The following TLE1 variants were observed in gnomAD, a reference collection of about 807,000 sequenced individuals.
TLE1 encodes transducin-like enhancer protein 1.
A neutral mutation model predicts 89.8 loss-of-function variants in TLE1; 21 were observed. The observed-to-expected ratio is 0.23, with a 90% confidence interval of 0.17 to 0.34. The LOEUF (loss-of-function observed/expected upper bound fraction) is 0.34, where lower values mean the gene tolerates loss of function less well. TLE1 is among the 10% of genes least tolerant of loss of function. The pLI, the probability that TLE1 is intolerant of heterozygous loss-of-function variation, is 1.00. For synonymous variants in TLE1, 447 were observed against 407.6 expected, an observed-to-expected ratio of 1.10 and a Z score of -1.16; for missense variants, 795 against 1,031.2, an observed-to-expected ratio of 0.77 and a Z score of 3.14.
chr9:81,662,071 T>G (rs1201526539), intron 4 of TLE1, among the ~76,000 whole-genome samples: 1 of 152,188 alleles, frequency 6.6e-6, no homozygotes, highest in Admixed American at 6.5e-5. Flanking sequence ...ATTCCATGCA[T>G]GAAGCTGTTC....
At chr9:81,613,901 C>G (rs1026375823) in intron 11 of TLE1, among the ~76,000 whole-genome samples, 45 of 124,610 alleles carry the variant, frequency 3.6e-4, no homozygotes, top group Middle Eastern at 3.9e-3. Context: ...GACCCCTTTT[C>G]TTTTCTTTTT....
rs551101391 is a variant in TLE1 at position 81,592,182 on chromosome 9, C to G, written c.1581+843G>C. On this transcript the variant is annotated intron_variant, in intron 15 of 19. Transcript: ENST00000376499. ...GACCATTCTGGCTAACATGGTGAAACCCCGTCTCTACTAAAAATACAAAAA... is the reference window on the plus strand; with the variant it reads ...GACCATTCTGGCTAACATGGTGAAAGCCCGTCTCTACTAAAAATACAAAAA... Among the ~76,000 whole-genome samples the G allele has an allele frequency of 8.1e-4, 124 of 152,294 alleles. 1 individual carries two copies. The highest frequency in any genetic ancestry group is 2.7e-3 in the African/African-American group (112 of 41,562).
At chr9:81,586,239 G>A (rs954142225) in intron 17 of TLE1, among the ~76,000 whole-genome samples, 3 of 152,162 alleles carry the variant, frequency 2.0e-5, no homozygotes, top group East Asian at 1.9e-4. Flanking sequence ...GGATGGTCTC[G>A]ATCTCCTGAC....
At chr9:81,586,299 G>A (rs950176068) in intron 17 of TLE1, among the ~76,000 whole-genome samples, 2 of 152,206 alleles carry the variant, frequency 1.3e-5, no homozygotes, top group African/African-American at 4.8e-5. Context: ...TTACAGGCGT[G>A]AGCCTCCGTG....
chr9:81,590,289 G>A (rs377547480), intron 16 of TLE1, among the ~76,000 whole-genome samples: 73 of 152,282 alleles, frequency 4.8e-4, no homozygotes, highest in Non-Finnish European at 9.0e-4. Flanking sequence ...AGAGCCCTGC[G>A]GGCTCCTGGG....
At chr9:81,607,078 G>C in intron 14 of TLE1, among the ~76,000 whole-genome samples, 1 of 147,454 alleles carries the variant, frequency 6.8e-6, no homozygotes, top group African/African-American at 2.6e-5. Flanking sequence ...AAAAAAAATG[G>C]AGAGAGAGAG....
rs774606207 is a variant in TLE1 at position 81,634,086 on chromosome 9, C to T, written c.577+11G>A. 25 of 1,600,798 alleles carry T rather than the reference C, an allele frequency of 1.6e-5. No individual in the cohort carries two copies. Among genetic ancestry groups the T allele is most frequent in the Non-Finnish European group, 1.8e-5 (21 of 1,172,848 alleles). On this transcript the variant is annotated intron_variant, in intron 7 of 19. Transcript: ENST00000376499. ...GGACAAAGTCCTAATCTGGCTTGCCCGGCCTCTCACCTCTGTGGTGCTCTG... is the reference window on the plus strand; with the variant it reads ...GGACAAAGTCCTAATCTGGCTTGCCTGGCCTCTCACCTCTGTGGTGCTCTG...
chr9:81,588,885 T>C (rs933466934), intron 16 of TLE1, among the ~76,000 whole-genome samples: 1 of 152,198 alleles, frequency 6.6e-6, no homozygotes, highest in African/African-American at 2.4e-5. Context: ...TTATCATTCC[T>C]GTAGAGCTCC....
chr9:81,653,296 C>T (rs1420386610), intron 5 of TLE1, among the ~76,000 whole-genome samples: 1 of 152,254 alleles, frequency 6.6e-6, no homozygotes, highest in South Asian at 2.1e-4. Flanking sequence ...GCATTCATCC[C>T]GTGCACACTT....
chr9:81,673,272 T>TAAAAAAA (rs5898756), intron 4 of TLE1, among the ~76,000 whole-genome samples: 3 of 98,014 alleles, frequency 3.1e-5, no homozygotes, highest in African/African-American at 4.0e-5. Context: ...AGACTTCATT[T>TAAAAAAA]AAAAAAAAAA....
In TLE1 at chr9:81,613,472, C is replaced by T. The variant is rs773585815; in HGVS notation, c.968G>A (p.Arg323Gln). The T allele has an allele frequency of 8.7e-6, 14 of 1,614,074 alleles. No homozygotes were observed. Among genetic ancestry groups the T allele is most frequent in the African/African-American group, 2.7e-5 (2 of 74,932 alleles). Reference sequence around the variant, plus strand: ...GGTGCCCGGCGTTGGCATGTCGCTCCGAGGCGTTGGTGTGCTGGATTTCAG... The same window carrying T: ...GGTGCCCGGCGTTGGCATGTCGCTCTGAGGCGTTGGTGTGCTGGATTTCAG... ...PVLKSSTPTP[R>Q]SDMPTPGTSA... The change falls in exon 12 of 20, where the codon CGG becomes CAG. Residue 323 changes from arginine (R) to glutamine (Q), a missense_variant. This residue lies in a region of TLE1 where 468 missense variants were observed against 509.1 expected (regional missense o/e 0.92). Transcript: ENST00000376499.
intron 4 of TLE1, among the ~76,000 whole-genome samples, chr9:81,675,708 G>GTTTTTTTTTTTTTTTTTTTTTT (rs61458315): frequency 7.6e-6 from 1 of 132,440 alleles, no homozygotes; most frequent in African/African-American, 3.0e-5. Context: ...GTTTTTTTTT[G>GTTTTTTTTTTTTTTTTTTTTTT]TTTTTTTTTT....
chr9:81,607,976 G>C (rs1013611875), intron 14 of TLE1, among the ~76,000 whole-genome samples: 5 of 152,212 alleles, frequency 3.3e-5, no homozygotes, highest in Non-Finnish European at 7.3e-5. Context: ...ATGAAAAGTA[G>C]AGCAATGGGA....
At chr9:81,622,255 C>G (rs77346095) in intron 8 of TLE1, among the ~76,000 whole-genome samples, 19,982 of 152,160 alleles carry the variant, frequency 0.13, 2,088 homozygotes, top group African/African-American at 0.28. Context: ...GCAGCATCCA[C>G]GGCAGGGCTG....
chr9:81,646,632 C>A (rs936633376), intron 6 of TLE1, among the ~76,000 whole-genome samples: 32 of 152,092 alleles, frequency 2.1e-4, no homozygotes, highest in Non-Finnish European at 1.6e-4. Context: ...ACAGCTATAG[C>A]CAAAGGAGAA....
intron 6 of TLE1, among the ~76,000 whole-genome samples, chr9:81,643,086 G>A (rs4588939): frequency 0.21 from 32,474 of 152,056 alleles, 4,023 homozygotes; most frequent in East Asian, 0.48. Flanking sequence ...GGAAAATGAG[G>A]AGCAATTGGT....
intron 6 of TLE1, among the ~76,000 whole-genome samples, chr9:81,648,723 C>T (rs1312622909): frequency 6.6e-6 from 1 of 152,200 alleles, no homozygotes; most frequent in Non-Finnish European, 1.5e-5. Context: ...ATTATCCCTG[C>T]ATTCAGGCAG....
At chr9:81,674,492 C>T (rs911605499) in intron 4 of TLE1, among the ~76,000 whole-genome samples, 3 of 152,178 alleles carry the variant, frequency 2.0e-5, no homozygotes, top group South Asian at 2.1e-4. Context: ...CCCAAGGTCC[C>T]TGAGGCCAAC....
chr9:81,659,896 G>C (rs1418067706), intron 4 of TLE1, among the ~76,000 whole-genome samples: 1 of 152,056 alleles, frequency 6.6e-6, no homozygotes, highest in East Asian at 1.9e-4. Flanking sequence ...ACAAATATGA[G>C]AGATCTTCCC....
Sources: gnomAD v4.1 joint callset for allele counts (sites outside exome capture counted in the v4.1 genomes callset) on GRCh38, gnomAD v4.1.1 for gene constraint, gnomAD v4.1.1 regional missense constraint, MANE v1.5 for transcripts, NCBI Gene and HGNC (gene_info 2026-07-23, HGNC 2026-07-21) for gene names.